Variants in SVEP1 observed in about 807,000 individuals in gnomAD.
SVEP1 encodes the protein sushi, von Willebrand factor type A, EGF and pentraxin domain containing 1, also known as sushi, von Willebrand factor type A, EGF and pentraxin domain-containing protein 1.
Under a neutral mutation model 367.3 loss-of-function variants are expected in SVEP1, and 164 were observed. That is an observed-to-expected ratio of 0.45 (90% confidence interval 0.39 to 0.51). SVEP1 has a LOEUF of 0.51. Ranked by LOEUF, SVEP1 falls within the 20% of genes least tolerant of loss-of-function variation. The pLI is 0.00. For missense variants in SVEP1, 4,117 were observed against 4,425.3 expected, an observed-to-expected ratio of 0.93 and a Z score of 1.98; for synonymous variants, 1,666 against 1,611.6, an observed-to-expected ratio of 1.03 and a Z score of -0.81.
At chr9:110,497,129 T>A (rs549267660) in intron 7 of SVEP1, among the ~76,000 whole-genome samples, 196 bp from the exon 8 acceptor site, 114 of 152,374 alleles carry the variant, frequency 7.5e-4, no homozygotes, top group Non-Finnish European at 1.3e-3. Flanking sequence ...AATCTTGAAC[T>A]AGTACCTATT....
At chr9:110,533,759 T>C (rs1011040555) in intron 3 of SVEP1, among the ~76,000 whole-genome samples, 4 of 152,198 alleles carry the variant, frequency 2.6e-5, no homozygotes, top group African/African-American at 9.6e-5. Context: ...ATTGCTAACA[T>C]TGGCCATCAT....
At chr9:110,484,192 T>C (rs1384167572) in intron 9 of SVEP1, among the ~76,000 whole-genome samples, 1 of 152,048 alleles carries the variant, frequency 6.6e-6, no homozygotes, top group Non-Finnish European at 1.5e-5. Flanking sequence ...AAGATGTTAG[T>C]GTGAGTGGCC....
Position 110,406,199 on chromosome 9 carries a change from G to A in SVEP1, c.9401C>T (p.Thr3134Ile), listed in dbSNP as rs773652427. 34 of 1,603,692 alleles carry A rather than the reference G, an allele frequency of 2.1e-5. No homozygotes were observed. Among genetic ancestry groups the A allele is most frequent in the Non-Finnish European group, 2.9e-5 (34 of 1,174,278 alleles). The part of the protein sequence containing the change: ...SPPSVANAVA[T>I]GEAHTYESEV... ...ACTTTCATAGGTGTGTGCCTCTCCA[G>A]TTGCCACTGCATTGGCGACAGACGG... The change falls in exon 38 of 48, where the codon ACT becomes ATT. Residue 3134 changes from threonine (T) to isoleucine (I), a missense_variant. Physicochemically the swap from Thr to Ile is moderately conservative, Grantham distance 89 (BLOSUM62 -1). Coordinates refer to ENST00000374469, the MANE Select transcript of SVEP1 (RefSeq NM_153366.4).
At chr9:110,368,392 C>T (rs1827229458) in intron 47 of SVEP1, among the ~76,000 whole-genome samples, 1 of 152,136 alleles carries the variant, frequency 6.6e-6, no homozygotes, top group African/African-American at 2.4e-5. Flanking sequence ...GTTAGCCTTC[C>T]CTTGAAGGTG....
intron 8 of SVEP1, among the ~76,000 whole-genome samples, chr9:110,491,469 C>T (rs75668422): frequency 4.0e-4 from 60 of 151,850 alleles, no homozygotes; most frequent in Middle Eastern, 3.5e-3. Flanking sequence ...TGCCATTTAC[C>T]CTTCTTTTTA....
At chr9:110,445,516 G>A in intron 26 of SVEP1, among the ~76,000 whole-genome samples, 1 of 152,058 alleles carries the variant, frequency 6.6e-6, no homozygotes, top group East Asian at 1.9e-4. Context: ...TGAGATCTGG[G>A]GCAAGTCATT....
chr9:110,566,230 G>A (rs995649028), intron 1 of SVEP1, among the ~76,000 whole-genome samples: 2 of 151,706 alleles, frequency 1.3e-5, no homozygotes, highest in African/African-American at 4.8e-5. Context: ...GCTGATGTGG[G>A]AGAATCACTT....
chr9:110,394,512 G>C (rs1352383256), intron 40 of SVEP1, among the ~76,000 whole-genome samples: 1 of 152,216 alleles, frequency 6.6e-6, no homozygotes, highest in African/African-American at 2.4e-5. Context: ...GAATGACTTT[G>C]ACGAGTTGAG....
Position 110,407,926 on chromosome 9 carries a change from G to C in SVEP1, c.7674C>G (p.Ser2558=). ...CAAAACCATTTTCAATGGGTTGTGG[G>C]GAATCACAGTGGATGGCATTGCAAG... ...APSCNAIHCD[S]PQPIENGFVE... Residue 2558 remains serine (S), a synonymous_variant, in exon 38 of 48, where the codon TCC becomes TCG. Transcript: ENST00000374469. The C allele has an allele frequency of 6.2e-7, 1 of 1,613,926 alleles. No individual in the cohort carries two copies. The highest frequency in any genetic ancestry group is 1.1e-5 in the South Asian group (1 of 91,076).
chr9:110,579,583 C>T lies in SVEP1; in HGVS notation c.-40G>A, dbSNP rs1564182279. 6.6e-7 allele frequency: 1 copy of T among 1,522,190 alleles called. No homozygotes were observed. The highest frequency in any genetic ancestry group is 2.1e-5 in the Admixed American group (1 of 47,054). 94.3% of individuals were successfully genotyped at this position (1,522,190 alleles called of 1,614,324 possible). Reference sequence around the variant, plus strand: ...AGCGGCTGCCCCGGAGCGCAGGCGGCGGCTCGGGCGGGAAGAGGCGCTGGG... The same window carrying T: ...AGCGGCTGCCCCGGAGCGCAGGCGGTGGCTCGGGCGGGAAGAGGCGCTGGG... On this transcript the variant is annotated 5_prime_UTR_variant, in exon 1 of 48. Transcript: ENST00000374469. This position sits in a 1 kb window ranked among gnomAD's most constrained non-coding sequence, Gnocchi z 5.3.
chr9:110,439,612 C>T (rs1828483091), intron 27 of SVEP1, among the ~76,000 whole-genome samples: 1 of 151,874 alleles, frequency 6.6e-6, no homozygotes, highest in African/African-American at 2.4e-5. Flanking sequence ...GTTGGCCAAG[C>T]TGGTCTTGAA....
intron 11 of SVEP1, among the ~76,000 whole-genome samples, 182 bp from the exon 12 acceptor site, chr9:110,481,618 C>T (rs1829190123): frequency 6.6e-6 from 1 of 152,108 alleles, no homozygotes; most frequent in South Asian, 2.1e-4. Context: ...CCTAGATTGA[C>T]ATACATTGAA....
At chr9:110,375,198 TA>T (rs922751665) in intron 46 of SVEP1, among the ~76,000 whole-genome samples, 169 bp downstream of exon 46, 1 of 152,082 alleles carries the variant, frequency 6.6e-6, no homozygotes, top group Non-Finnish European at 1.5e-5. Flanking sequence ...TAGGCAACCA[TA>T]AAATTCAGTG....
intron 1 of SVEP1, among the ~76,000 whole-genome samples, chr9:110,570,721 T>C (rs1456754776): frequency 6.6e-6 from 1 of 152,096 alleles, no homozygotes; most frequent in Non-Finnish European, 1.5e-5. Flanking sequence ...CCTCAGGTGA[T>C]CTGCCTGCTT....
At chr9:110,417,274 C>T (rs1234915693) in intron 36 of SVEP1, among the ~76,000 whole-genome samples, 2 of 139,360 alleles carry the variant, frequency 1.4e-5, no homozygotes, top group Non-Finnish European at 3.1e-5. Context: ...GTGCGCGAGC[C>T]GAAGCAGGGC....
chr9:110,505,533 G>C (rs1008099721), intron 5 of SVEP1, among the ~76,000 whole-genome samples: 12 of 152,038 alleles, frequency 7.9e-5, no homozygotes, highest in African/African-American at 2.9e-4. Flanking sequence ...AAATTATATT[G>C]TCTTCTGTAA....
chr9:110,543,818 G>A (rs1466375020), intron 3 of SVEP1, among the ~76,000 whole-genome samples: 1 of 152,166 alleles, frequency 6.6e-6, no homozygotes, highest in African/African-American at 2.4e-5. Flanking sequence ...GGGTTGGAGA[G>A]AGTGCCAAGC....
chr9:110,390,324 C>G (rs867079043), intron 40 of SVEP1, among the ~76,000 whole-genome samples: 1 of 70,214 alleles, frequency 1.4e-5, no homozygotes, highest in Non-Finnish European at 2.8e-5. Flanking sequence ...TGTATATATA[C>G]TTATATATAC....
rs75212846 is a variant in SVEP1 at position 110,429,253 on chromosome 9, C to T, written c.5697G>A (p.Val1899=). Residue 1899 remains valine, a synonymous_variant, in exon 35 of 48, where the codon GTG becomes GTA. Coordinates refer to ENST00000374469, the MANE Select transcript of SVEP1 (RefSeq NM_153366.4). ...ANSSWSHSPP[V]CEPVKCSSPE... ...GACTAGAACACTTCACTGGTTCACACACAGGAGGGGAATGACTCCAAGAAC... is the reference window on the plus strand; with the variant it reads ...GACTAGAACACTTCACTGGTTCACATACAGGAGGGGAATGACTCCAAGAAC... The T allele has an allele frequency of 0.036, 58,239 of 1,596,066 alleles. 1,183 individuals are homozygous for T. Among genetic ancestry groups the T allele is most frequent in the East Asian group, 0.054 (2,408 of 44,310 alleles).
Sources: allele counts gnomAD v4.1 joint callset (sites outside exome capture counted in the v4.1 genomes callset), GRCh38; gene constraint gnomAD v4.1.1; non-coding constraint Gnocchi (gnomAD v3.1); transcripts MANE v1.5; gene names NCBI Gene and HGNC (gene_info 2026-07-23, HGNC 2026-07-21).